MYRIP: variants seen among roughly 807,000 people sequenced by gnomAD.
The protein encoded by MYRIP is myosin VIIA and Rab interacting protein.
Under a neutral mutation model 98.0 loss-of-function variants are expected in MYRIP, and 49 were observed. The observed-to-expected ratio is 0.50, with a 90% confidence interval of 0.40 to 0.63. The LOEUF is 0.63. Among genes scored for constraint, MYRIP ranks in the 30% least tolerant of loss-of-function variants. The pLI is 0.00. For synonymous variants in MYRIP, 404 were observed against 409.5 expected (o/e 0.99, Z 0.16); for missense variants, 1,004 against 1,058.2 (o/e 0.95, Z 0.71).
intron 1 of MYRIP, among the ~76,000 whole-genome samples, chr3:39,879,181 A>G (rs1190269032): frequency 6.6e-6 from 1 of 151,732 alleles, no homozygotes; most frequent in Non-Finnish European, 1.5e-5. Context: ...AGTTTTAAAT[A>G]TGAAGAACAT....
At chr3:40,116,107 C>A (rs961771028) in intron 3 of MYRIP, among the ~76,000 whole-genome samples, 6 of 152,318 alleles carry the variant, frequency 3.9e-5, no homozygotes, top group South Asian at 4.1e-4. Flanking sequence ...CTCACAGGTT[C>A]CCTGGGGCTG....
intron 2 of MYRIP, among the ~76,000 whole-genome samples, chr3:39,987,298 G>A (rs1946054833): frequency 6.6e-6 from 1 of 152,046 alleles, no homozygotes; most frequent in Non-Finnish European, 1.5e-5. Context: ...GAGGATGATG[G>A]CTTTCAGCTT....
chr3:40,028,552 C>T (rs1340791703), intron 2 of MYRIP, among the ~76,000 whole-genome samples: 1 of 152,168 alleles, frequency 6.6e-6, no homozygotes. Context: ...AAACCTCTAG[C>T]AACCCTGTGA....
chr3:40,066,689 A>G (rs185115570), intron 3 of MYRIP, among the ~76,000 whole-genome samples: 1 of 152,264 alleles, frequency 6.6e-6, no homozygotes, highest in Non-Finnish European at 1.5e-5. Context: ...TACTACAGAG[A>G]AGGTTCTGTA....
At chr3:39,811,755 T>C (rs1396982913) in intron 1 of MYRIP, among the ~76,000 whole-genome samples, 1 of 151,316 alleles carries the variant, frequency 6.6e-6, no homozygotes, top group Non-Finnish European at 1.5e-5. Flanking sequence ...TTCTGTGTGG[T>C]CTGGGTTTCG....
intron 16 of MYRIP, among the ~76,000 whole-genome samples, chr3:40,253,028 G>C (rs1953429776): frequency 6.6e-6 from 1 of 152,142 alleles, no homozygotes; most frequent in Non-Finnish European, 1.5e-5. Flanking sequence ...AAGCAATAAT[G>C]TTAATGTAAG....
rs1466533834 is a variant in MYRIP at position 40,120,549 on chromosome 3, T to C, written c.333-30499T>C. ...TTGGCTGGAGGAAGCTGGGATCACTTATATTCTGAGGATGATGGAGGTGAG... is the reference window on the plus strand; with the variant it reads ...TTGGCTGGAGGAAGCTGGGATCACTCATATTCTGAGGATGATGGAGGTGAG... On this transcript the variant is annotated intron_variant, in intron 3 of 16. Transcript: ENST00000302541. 7.9e-5 allele frequency among the ~76,000 whole-genome samples: 12 copies of C among 152,290 alleles called. No individual in the cohort carries two copies. In the East Asian group the frequency reaches 2.3e-3, roughly 29 times the overall value.
At chr3:40,253,080 C>T (rs1953432054) in intron 16 of MYRIP, among the ~76,000 whole-genome samples, 1 of 152,068 alleles carries the variant, frequency 6.6e-6, no homozygotes, top group South Asian at 2.1e-4. Context: ...TACATCAGAC[C>T]AGAATAACCC....
At chr3:40,002,779 TAGATATA>T (rs1188298137) in intron 2 of MYRIP, among the ~76,000 whole-genome samples, 2 of 152,116 alleles carry the variant, frequency 1.3e-5, no homozygotes, top group Admixed American at 6.6e-5. Context: ...CATATAGGTA[TAGATATA>T]AATAGATATG....
chr3:40,040,648 C>A (rs1947490746), intron 2 of MYRIP, among the ~76,000 whole-genome samples: 1 of 68,270 alleles, frequency 1.5e-5, no homozygotes, highest in Non-Finnish European at 2.7e-5. Context: ...ACTATGCAGC[C>A]ATAAAAAATG....
chr3:39,829,751 T>A (rs1941384369), intron 1 of MYRIP, among the ~76,000 whole-genome samples: 1 of 152,138 alleles, frequency 6.6e-6, no homozygotes, highest in Non-Finnish European at 1.5e-5. Flanking sequence ...TAAGCACAAC[T>A]TATATGCACT....
chr3:40,007,769 G>A (rs2125792414), intron 2 of MYRIP, among the ~76,000 whole-genome samples: 1 of 152,310 alleles, frequency 6.6e-6, no homozygotes, highest in Middle Eastern at 3.4e-3. Context: ...AGGCTTGAGA[G>A]CTAGGGAAGA....
At chr3:40,036,317 A>AAAC (rs1947383221) in intron 2 of MYRIP, among the ~76,000 whole-genome samples, 2 of 149,530 alleles carry the variant, frequency 1.3e-5, no homozygotes, top group South Asian at 4.2e-4. Flanking sequence ...AAAAAAAAAA[A>AAAC]AAAAAAACTT....
At chr3:39,956,718 C>T (rs1432793608) in intron 2 of MYRIP, among the ~76,000 whole-genome samples, 1 of 149,284 alleles carries the variant, frequency 6.7e-6, no homozygotes, top group Non-Finnish European at 1.5e-5. Flanking sequence ...AAAAACCCTT[C>T]AAAAAATCAA....
chr3:39,931,343 G>T (rs1944532041), intron 2 of MYRIP, among the ~76,000 whole-genome samples: 1 of 151,088 alleles, frequency 6.6e-6, no homozygotes, highest in South Asian at 2.1e-4. Context: ...TTCATTGTTA[G>T]TATATATAAA....
intron 2 of MYRIP, among the ~76,000 whole-genome samples, chr3:39,924,527 G>A (rs4676544): frequency 0.37 from 56,113 of 151,712 alleles, 10,690 homozygotes; most frequent in East Asian, 0.46. Context: ...CAAGCCAACA[G>A]TTAGAGATGG....
chr3:40,145,415 G>A (rs754868583), intron 3 of MYRIP, among the ~76,000 whole-genome samples: 68 of 152,122 alleles, frequency 4.5e-4, no homozygotes, highest in Non-Finnish European at 8.8e-5. Flanking sequence ...CCCACCATGA[G>A]GAAGACAAAC....
At chr3:39,834,025 G>C (rs35360033) in intron 1 of MYRIP, among the ~76,000 whole-genome samples, 5 of 152,190 alleles carry the variant, frequency 3.3e-5, no homozygotes, top group Non-Finnish European at 5.9e-5. Flanking sequence ...GCGAAACTCT[G>C]TCTTGAAAAG....
intron 2 of MYRIP, among the ~76,000 whole-genome samples, chr3:39,953,327 G>C (rs1559534453): frequency 6.6e-6 from 1 of 152,090 alleles, no homozygotes; most frequent in Non-Finnish European, 1.5e-5. Context: ...CCAGGGTCTT[G>C]AAATAGTTAT....
Sources: gnomAD v4.1 joint callset for allele counts (sites outside exome capture counted in the v4.1 genomes callset) on GRCh38, gnomAD v4.1.1 for gene constraint, MANE v1.5 for transcripts, NCBI Gene and HGNC (gene_info 2026-07-23, HGNC 2026-07-21) for gene names.